Variants in TNNI3K observed in about 807,000 individuals in gnomAD.
TNNI3K encodes serine/threonine-protein kinase TNNI3K.
Under a neutral mutation model 114.5 loss-of-function variants are expected in TNNI3K, and 140 were observed. That is an observed-to-expected ratio of 1.22 (90% CI 1.07 to 1.41). The LOEUF (loss-of-function observed/expected upper bound fraction) is 1.41, where lower values mean the gene tolerates loss of function less well. Ranked by LOEUF, TNNI3K falls within the 40% of genes most tolerant of loss-of-function variation. The pLI is 0.00. For synonymous variants in TNNI3K, 347 were observed against 347.5 expected (o/e 1.00, Z 0.02); for missense variants, 1,125 against 1,007.6 (o/e 1.12, Z -1.58).
chr1:74,502,066 C>G (rs1022290027), intron 23 of TNNI3K, among the ~76,000 whole-genome samples: 1 of 151,984 alleles, frequency 6.6e-6, no homozygotes, highest in Admixed American at 6.6e-5. Flanking sequence ...TTGCTTGGAC[C>G]CATGATGTAT....
chr1:74,457,541 G>A (rs745533459), intron 20 of TNNI3K, among the ~76,000 whole-genome samples: 1 of 152,090 alleles, frequency 6.6e-6, no homozygotes, highest in Non-Finnish European at 1.5e-5. Flanking sequence ...CCGCAGCCCT[G>A]CCCATTAAAA....
chr1:74,462,595 C>A (rs1667497775), intron 20 of TNNI3K, among the ~76,000 whole-genome samples: 1 of 152,196 alleles, frequency 6.6e-6, no homozygotes. Context: ...ACAACACCTA[C>A]TTTGCATGGT....
chr1:74,477,648 G>A (rs891775704), intron 21 of TNNI3K, among the ~76,000 whole-genome samples: 3 of 152,160 alleles, frequency 2.0e-5, no homozygotes, highest in Non-Finnish European at 4.4e-5. Flanking sequence ...AATTGTGTCT[G>A]AATGGCAGGG....
At chr1:74,420,132 T>G (rs1665325311) in intron 17 of TNNI3K, among the ~76,000 whole-genome samples, 1 of 152,078 alleles carries the variant, frequency 6.6e-6, no homozygotes, top group Non-Finnish European at 1.5e-5. Flanking sequence ...TTTGGATGCA[T>G]TTTTTATGCA....
At chr1:74,336,482 C>T (rs1043265094) in intron 7 of TNNI3K, among the ~76,000 whole-genome samples, 8 of 150,762 alleles carry the variant, frequency 5.3e-5, no homozygotes, top group Non-Finnish European at 1.0e-4. Context: ...GTATATCTCC[C>T]GATGCTATCC....
chr1:74,331,595 T>A, intron 6 of TNNI3K, 47 bp downstream of exon 6: 1 of 1,522,118 alleles, frequency 6.6e-7, no homozygotes, highest in Non-Finnish European at 9.0e-7. Flanking sequence ...TGCTTAAGTG[T>A]AGGCTTTTGT....
intron 23 of TNNI3K, among the ~76,000 whole-genome samples, chr1:74,510,138 T>G (rs1472783273): frequency 6.6e-6 from 1 of 150,608 alleles, no homozygotes; most frequent in African/African-American, 2.5e-5. Flanking sequence ...TTAGAGATGT[T>G]TAACTACATT....
At chr1:74,253,639 CG>C (rs1346164482) in intron 4 of TNNI3K, among the ~76,000 whole-genome samples, 22 of 152,224 alleles carry the variant, frequency 1.4e-4, no homozygotes, top group Middle Eastern at 3.4e-3. Context: ...GCTCGGAGTG[CG>C]GGCCCGCCAA....
At chr1:74,362,566 G>A (rs1453337480) in intron 11 of TNNI3K, among the ~76,000 whole-genome samples, 2 of 152,134 alleles carry the variant, frequency 1.3e-5, no homozygotes, top group African/African-American at 4.8e-5. Context: ...GGGGGACAGA[G>A]AGACAACCTT....
At chr1:74,314,165 AAT>A (rs902599405) in intron 5 of TNNI3K, among the ~76,000 whole-genome samples, 2 of 147,168 alleles carry the variant, frequency 1.4e-5, no homozygotes, top group Non-Finnish European at 3.0e-5. Flanking sequence ...TATATATATA[AAT>A]ATATATATAT....
chr1:74,371,408 A>G (rs981884290), intron 17 of TNNI3K: 1 of 151,836 alleles, frequency 6.6e-6, no homozygotes, highest in Non-Finnish European at 1.5e-5. Flanking sequence ...TGAGGTATAA[A>G]ATAATAAGTT....
intron 23 of TNNI3K, among the ~76,000 whole-genome samples, chr1:74,526,564 G>C (rs1207918136): frequency 1.3e-5 from 2 of 152,134 alleles, no homozygotes; most frequent in East Asian, 3.8e-4. Context: ...TTCTTCATTA[G>C]GTTGCAATGA....
At chr1:74,336,925 A>G (rs1307173682) in intron 7 of TNNI3K, among the ~76,000 whole-genome samples, 1 of 152,130 alleles carries the variant, frequency 6.6e-6, no homozygotes, top group Non-Finnish European at 1.5e-5. Flanking sequence ...GAATCGCCAC[A>G]CTGACTTCCA....
intron 17 of TNNI3K, among the ~76,000 whole-genome samples, chr1:74,384,607 T>C (rs2100555101): frequency 6.6e-6 from 1 of 152,304 alleles, no homozygotes; most frequent in South Asian, 2.1e-4. Context: ...GACTGGAATA[T>C]TTTTGCATTT....
intron 5 of TNNI3K, among the ~76,000 whole-genome samples, chr1:74,288,015 A>G (rs1657439559): frequency 6.6e-6 from 1 of 152,200 alleles, no homozygotes; most frequent in Non-Finnish European, 1.5e-5. Context: ...TATCAGGGAA[A>G]TGCAAATTAA....
intron 9 of TNNI3K, among the ~76,000 whole-genome samples, chr1:74,351,034 C>G (rs4382662): frequency 1 from 150,764 of 151,180 alleles, 75,176 homozygotes; most frequent in Middle Eastern, 1. Flanking sequence ...TATTTTGCTC[C>G]TTAGTTGATG....
chr1:74,367,862 A>G (rs1364242643), intron 12 of TNNI3K, 46 bp from the exon 13 acceptor site: 4 of 1,526,512 alleles, frequency 2.6e-6, no homozygotes, highest in Non-Finnish European at 3.5e-6. Flanking sequence ...TTATGTAGAA[A>G]AAAATGATCG....
At chr1:74,332,976 A>AAAAAAAAAAAAAGAG (rs57556485) in intron 6 of TNNI3K, among the ~76,000 whole-genome samples, 2,273 of 90,424 alleles carry the variant, frequency 0.025, no homozygotes, top group Middle Eastern at 0.04. Context: ...AAAAAAAAAA[A>AAAAAAAAAAAAAGAG]AGAGAGAGAC....
At chr1:74,243,196 A>G (rs903619316) in intron 2 of TNNI3K, among the ~76,000 whole-genome samples, 13 of 152,296 alleles carry the variant, frequency 8.5e-5, no homozygotes, top group Admixed American at 2.6e-4. Flanking sequence ...TATTGTATGA[A>G]TGGCTGAATA....
Sources: gnomAD v4.1 joint callset for allele counts (sites outside exome capture counted in the v4.1 genomes callset) on GRCh38, gnomAD v4.1.1 for gene constraint, MANE v1.5 for transcripts, NCBI Gene and HGNC (gene_info 2026-07-23, HGNC 2026-07-21) for gene names.